Variants in TANGO6 observed in about 807,000 individuals in gnomAD.
The protein encoded by TANGO6 is transport and Golgi organization protein 6 homolog.
TANGO6 carries 90 observed loss-of-function variants against 114.2 expected under a neutral mutation model. That is an observed-to-expected ratio of 0.79 (90% CI 0.66 to 0.94). TANGO6 has a LOEUF of 0.94. TANGO6 is among the 40% of genes least tolerant of loss of function. TANGO6 has a pLI of 0.00. For synonymous variants in TANGO6, 477 were observed against 509.8 expected, an observed-to-expected ratio of 0.94 and a Z score of 0.87; for missense variants, 1,274 against 1,315.3, an observed-to-expected ratio of 0.97 and a Z score of 0.49.
chr16:69,073,059 T>TAAA (rs760215435), intron 17 of TANGO6, among the ~76,000 whole-genome samples: 5 of 141,024 alleles, frequency 3.5e-5, no homozygotes, highest in African/African-American at 1.3e-4. Context: ...AGACCTTCTT[T>TAAA]AAAAAAAAAA....
At chr16:68,894,149 G>A (rs1300775448) in intron 7 of TANGO6, among the ~76,000 whole-genome samples, 3 of 152,222 alleles carry the variant, frequency 2.0e-5, no homozygotes, top group African/African-American at 7.2e-5. Context: ...TATTGTAAGT[G>A]CTGGCTGAGT....
chr16:68,871,397 G>T (rs770201255), intron 4 of TANGO6, among the ~76,000 whole-genome samples: 11 of 151,346 alleles, frequency 7.3e-5, no homozygotes, highest in East Asian at 2.0e-4. Flanking sequence ...TTTCTTTATG[G>T]TTTTTTTTCT....
At chr16:69,054,941 A>C (rs1960010138) in intron 17 of TANGO6, among the ~76,000 whole-genome samples, 1 of 41,572 alleles carries the variant, frequency 2.4e-5, no homozygotes, top group African/African-American at 8.2e-5. Flanking sequence ...ACTCCGTCTC[A>C]AAAAAAAAAA....
chr16:68,946,914 A>T (rs1347048602), intron 14 of TANGO6, among the ~76,000 whole-genome samples: 1 of 151,886 alleles, frequency 6.6e-6, no homozygotes, highest in African/African-American at 2.4e-5. Flanking sequence ...TACAGATTTC[A>T]CTCTTACATT....
intron 11 of TANGO6, among the ~76,000 whole-genome samples, chr16:68,915,955 A>G (rs1164765828): frequency 1.3e-5 from 2 of 152,102 alleles, no homozygotes; most frequent in Non-Finnish European, 1.5e-5. Context: ...TGAGTCATTA[A>G]TCCTAAGTAT....
At chr16:68,946,061 T>C (rs1465713668) in intron 14 of TANGO6, among the ~76,000 whole-genome samples, 1 of 152,146 alleles carries the variant, frequency 6.6e-6, no homozygotes, top group Non-Finnish European at 1.5e-5. Flanking sequence ...TGGAGAAAAG[T>C]CCTTTATCAG....
At chr16:68,979,379 G>A (rs1351183333) in intron 15 of TANGO6, among the ~76,000 whole-genome samples, 2 of 152,024 alleles carry the variant, frequency 1.3e-5, no homozygotes, top group Non-Finnish European at 2.9e-5. Flanking sequence ...ACAGGCGCGT[G>A]CCACTGCGTC....
intron 17 of TANGO6, among the ~76,000 whole-genome samples, chr16:69,060,971 A>G (rs1458553917): frequency 6.6e-6 from 1 of 151,888 alleles, no homozygotes; most frequent in Non-Finnish European, 1.5e-5. Context: ...CAGCCTGGTA[A>G]CAGAGGGAGA....
intron 4 of TANGO6, among the ~76,000 whole-genome samples, chr16:68,871,719 A>G (rs913622100): frequency 3.3e-5 from 5 of 152,090 alleles, no homozygotes; most frequent in African/African-American, 1.2e-4. Flanking sequence ...TCCCAGGTTC[A>G]AGCAATTCTG....
In TANGO6 at chr16:68,845,518, C is replaced by T. The variant is rs140384867; in HGVS notation, c.94+1807C>T. On this transcript the variant is annotated intron_variant, in intron 1 of 17. Transcript: ENST00000261778. ...AGTCTTATATATTATATGAATCTGT[C>T]TACTATTTTATCATATTAGCTGCTT... is the stretch of plus-strand genomic sequence containing the variant. Among the ~76,000 whole-genome samples, 240 of 152,148 alleles carry T rather than the reference C, an allele frequency of 1.6e-3. 2 individuals carry two copies. The South Asian group carries it at 0.024, about 16-fold the overall frequency.
chr16:69,078,565 A>G (rs1960421803), intron 17 of TANGO6, among the ~76,000 whole-genome samples: 1 of 151,758 alleles, frequency 6.6e-6, no homozygotes. Context: ...GCTCCCTGTG[A>G]CCTTTACCAT....
chr16:68,929,747 C>T (rs973872419), intron 13 of TANGO6, among the ~76,000 whole-genome samples: 2 of 152,134 alleles, frequency 1.3e-5, no homozygotes, highest in Admixed American at 6.5e-5. Flanking sequence ...CTGAAATTTA[C>T]AAGATTTTCA....
intron 14 of TANGO6, among the ~76,000 whole-genome samples, chr16:68,969,542 C>T (rs2152211656): frequency 6.6e-6 from 1 of 152,172 alleles, no homozygotes; most frequent in Middle Eastern, 3.4e-3. Flanking sequence ...GTCTGTGGAA[C>T]AGGCCAGCAG....
At chr16:68,928,999 A>C (rs117258713) in intron 13 of TANGO6, among the ~76,000 whole-genome samples, 12,150 of 151,884 alleles carry the variant, frequency 0.08, 544 homozygotes, top group African/African-American at 0.099. Flanking sequence ...GCTCACTGCA[A>C]TTTCCACCTC....
chr16:68,926,009 C>T (rs1406493625), intron 12 of TANGO6, among the ~76,000 whole-genome samples: 1 of 148,778 alleles, frequency 6.7e-6, no homozygotes, highest in Non-Finnish European at 1.5e-5. Flanking sequence ...CCTTTCTGTT[C>T]TGTCCCATTG....
chr16:69,075,762 C>CTT (rs751940886), intron 17 of TANGO6, among the ~76,000 whole-genome samples: 34 of 127,546 alleles, frequency 2.7e-4, no homozygotes, highest in East Asian at 6.9e-4. Context: ...CTGAATTCAA[C>CTT]TTTTTTTTTT....
chr16:69,043,283 AGTGTGTGTGTGTGT>A (rs57443398), intron 17 of TANGO6, among the ~76,000 whole-genome samples: 27 of 146,750 alleles, frequency 1.8e-4, no homozygotes, highest in South Asian at 8.8e-4. Context: ...AGACAGAGCG[AGTGTGTGTGTGTGT>A]GTGTGTGTGT....
intron 14 of TANGO6, among the ~76,000 whole-genome samples, chr16:68,955,618 T>C (rs1963521725): frequency 6.6e-6 from 1 of 152,186 alleles, no homozygotes; most frequent in African/African-American, 2.4e-5. Flanking sequence ...TTTAAATTAC[T>C]CAGTGAGACA....
At chr16:69,059,167 C>T (rs111940336) in intron 17 of TANGO6, among the ~76,000 whole-genome samples, 13,329 of 151,774 alleles carry the variant, frequency 0.088, 658 homozygotes, top group South Asian at 0.18. Context: ...CTCTGCCTCC[C>T]GGGTTCAAGC....
Sources: allele counts gnomAD v4.1 joint callset (sites outside exome capture counted in the v4.1 genomes callset), GRCh38; gene constraint gnomAD v4.1.1; transcripts MANE v1.5; gene names NCBI Gene and HGNC (gene_info 2026-07-23, HGNC 2026-07-21).